TRAPPC12: variants seen among roughly 807,000 people sequenced by gnomAD.
TRAPPC12 encodes the protein trafficking protein particle complex subunit 12.
A neutral mutation model predicts 69.2 loss-of-function variants in TRAPPC12; 61 were observed. That is an observed-to-expected ratio of 0.88 (90% confidence interval 0.72 to 1.09). The LOEUF is 1.09. TRAPPC12 is among the 50% of genes least tolerant of loss of function. TRAPPC12 has a pLI of 0.00. For synonymous variants in TRAPPC12, 469 were observed against 438.9 expected (o/e 1.07, Z -0.86); for missense variants, 1,101 against 1,016.4 (o/e 1.08, Z -1.13).
intron 5 of TRAPPC12, among the ~76,000 whole-genome samples, chr2:3,426,165 G>A (rs114018721): frequency 1.3e-5 from 2 of 152,270 alleles, no homozygotes; most frequent in African/African-American, 2.4e-5. Flanking sequence ...TATTAAAATT[G>A]TTTCTTCCTT....
At chr2:3,432,268 C>T (rs924723080) in intron 5 of TRAPPC12, among the ~76,000 whole-genome samples, 1 of 152,144 alleles carries the variant, frequency 6.6e-6, no homozygotes, top group Non-Finnish European at 1.5e-5. Flanking sequence ...TGCGGATTAC[C>T]ATCAGGTCAA....
intron 4 of TRAPPC12, among the ~76,000 whole-genome samples, chr2:3,423,304 G>T (rs1424882079): frequency 6.8e-6 from 1 of 147,616 alleles, no homozygotes; most frequent in Non-Finnish European, 1.5e-5. Flanking sequence ...TAAATCGCAT[G>T]CATTGCCTCG....
chr2:3,466,791 C>A (rs1431353024), intron 9 of TRAPPC12, among the ~76,000 whole-genome samples: 1 of 152,236 alleles, frequency 6.6e-6, no homozygotes, highest in African/African-American at 2.4e-5. Context: ...GACGCGTGAG[C>A]TGCCACCATG....
chr2:3,430,834 T>C (rs1466601006), intron 5 of TRAPPC12, among the ~76,000 whole-genome samples: 2 of 152,250 alleles, frequency 1.3e-5, no homozygotes, highest in Non-Finnish European at 2.9e-5. Context: ...CCAAAACGTT[T>C]CCTAAGGGAG....
intron 5 of TRAPPC12, among the ~76,000 whole-genome samples, chr2:3,438,816 A>G (rs1364758787): frequency 6.6e-6 from 1 of 151,964 alleles, no homozygotes; most frequent in Admixed American, 6.6e-5. Flanking sequence ...ACCATAGCTT[A>G]TTTATCCATT....
At chr2:3,409,440 A>T (rs1016393693) in intron 3 of TRAPPC12, among the ~76,000 whole-genome samples, 2 of 152,236 alleles carry the variant, frequency 1.3e-5, no homozygotes, top group African/African-American at 4.8e-5. Flanking sequence ...ATGTTTTTCT[A>T]AATGATTATA....
At chr2:3,463,829 CAT>C (rs752402015) in intron 8 of TRAPPC12, among the ~76,000 whole-genome samples, 12 of 152,178 alleles carry the variant, frequency 7.9e-5, no homozygotes, top group Middle Eastern at 6.8e-3. Context: ...AAAGGTGGGA[CAT>C]GTGTGGGATT....
intron 1 of TRAPPC12, among the ~76,000 whole-genome samples, chr2:3,383,823 C>T (rs1419165597): frequency 1.4e-5 from 2 of 144,494 alleles, no homozygotes; most frequent in Non-Finnish European, 1.5e-5. Flanking sequence ...GGAAAATCGT[C>T]TCTTCCTTTG....
At chr2:3,424,815 T>A in intron 5 of TRAPPC12, 152 bp downstream of exon 5, 1 of 866,036 alleles carries the variant, frequency 1.2e-6, no homozygotes, top group Non-Finnish European at 1.7e-6. Flanking sequence ...ACTTACAGAA[T>A]GCTCCCACTC....
chr2:3,439,786 A>G (rs891214353), intron 5 of TRAPPC12, among the ~76,000 whole-genome samples: 1 of 151,940 alleles, frequency 6.6e-6, no homozygotes, highest in African/African-American at 2.4e-5. Flanking sequence ...TCAGATTTTC[A>G]TCTGTGTTCT....
chr2:3,460,529 T>G (rs1477638021), intron 8 of TRAPPC12, 193 bp downstream of exon 8: 1 of 496,794 alleles, frequency 2.0e-6, no homozygotes. Context: ...TGCAAGAAAT[T>G]TCAACAGAAT....
intron 3 of TRAPPC12, among the ~76,000 whole-genome samples, chr2:3,413,500 G>A (rs1572119282): frequency 1.3e-5 from 2 of 152,154 alleles, no homozygotes; most frequent in African/African-American, 2.4e-5. Context: ...GGTGACACAC[G>A]TTCAATATCA....
intron 10 of TRAPPC12, 99 bp from the exon 11 acceptor site, chr2:3,478,747 C>G: frequency 9.7e-7 from 1 of 1,035,070 alleles, no homozygotes. Flanking sequence ...CAGGGCCATA[C>G]GCTGGGTCTC....
chr2:3,456,989 G>A (rs1333768298), intron 6 of TRAPPC12: 2 of 422,592 alleles, frequency 4.7e-6, no homozygotes, highest in African/African-American at 4.1e-5. Context: ...CCATCAGCTG[G>A]GAGCAGAGTC....
chr2:3,461,158 A>AG (rs572883556), intron 8 of TRAPPC12, among the ~76,000 whole-genome samples: 101 of 152,328 alleles, frequency 6.6e-4, no homozygotes, highest in African/African-American at 2.3e-3. Flanking sequence ...GCAATTTACC[A>AG]GCGGAGAACT....
At chr2:3,434,876 T>C (rs1335573287) in intron 5 of TRAPPC12, among the ~76,000 whole-genome samples, 2 of 152,242 alleles carry the variant, frequency 1.3e-5, no homozygotes, top group African/African-American at 2.4e-5. Context: ...CAGCCATCTC[T>C]TCCCTGCCAC....
chr2:3,438,664 A>G (rs975381531), intron 5 of TRAPPC12, among the ~76,000 whole-genome samples: 1 of 151,590 alleles, frequency 6.6e-6, no homozygotes, highest in Non-Finnish European at 1.5e-5. Context: ...CCCTTTTCCA[A>G]AGGTCTTATA....
At chr2:3,449,026 T>G (rs1664709360) in intron 6 of TRAPPC12, among the ~76,000 whole-genome samples, 1 of 152,236 alleles carries the variant, frequency 6.6e-6, no homozygotes, top group East Asian at 1.9e-4. Context: ...GTACTTCGTT[T>G]TATCTGTTGT....
chr2:3,388,486 C>G lies in TRAPPC12; in HGVS notation c.863C>G (p.Ala288Gly). 6.2e-7 allele frequency: 1 copy of G among 1,612,670 alleles called. No homozygotes were observed. Among genetic ancestry groups the G allele is most frequent in the Non-Finnish European group, 8.5e-7 (1 of 1,179,642 alleles). Residue 288 changes from alanine to glycine, a missense_variant, in exon 2 of 12, where the codon GCA becomes GGA. Transcript: ENST00000324266. ...TTCGCGCACATCCAGGCAGTGTTTG[C>G]AGGGAGTGACGACCCCTTTGCCACC... ...EPFAHIQAVF[A>G]GSDDPFATAL...
Sources: gnomAD v4.1 joint callset for allele counts (sites outside exome capture counted in the v4.1 genomes callset) on GRCh38, gnomAD v4.1.1 for gene constraint, MANE v1.5 for transcripts, NCBI Gene and HGNC (gene_info 2026-07-23, HGNC 2026-07-21) for gene names.